PIK3C2G: variants seen among roughly 807,000 people sequenced by gnomAD.
PIK3C2G encodes the protein phosphatidylinositol-4-phosphate 3-kinase catalytic subunit type 2 gamma.
Under a neutral mutation model 181.1 loss-of-function variants are expected in PIK3C2G, and 168 were observed. The observed-to-expected ratio is 0.93, with a 90% CI of 0.82 to 1.05. The LOEUF (loss-of-function observed/expected upper bound fraction) is 1.05. Among genes scored for constraint, PIK3C2G ranks in the 50% least tolerant of loss-of-function variants. PIK3C2G has a pLI of 0.00. For missense variants in PIK3C2G, 1,869 were observed against 1,732.8 expected (o/e 1.08, Z -1.40); for synonymous variants, 573 against 592.2 (o/e 0.97, Z 0.47).
At chr12:18,496,221 A>T (rs1374257899) in intron 21 of PIK3C2G, 67 bp downstream of exon 21, 2 of 950,860 alleles carry the variant, frequency 2.1e-6, no homozygotes, top group East Asian at 5.5e-5. Flanking sequence ...TACTCACAAA[A>T]AGAAATTGTT....
At chr12:18,243,792 T>C (rs1186154161), upstream of PIK3C2G, among the ~76,000 whole-genome samples, 2 of 151,946 alleles carry the variant, frequency 1.3e-5, no homozygotes, top group Non-Finnish European at 2.9e-5. Context: ...TCACACTGGA[T>C]TTGCTACTTT....
intron 18 of PIK3C2G, among the ~76,000 whole-genome samples, chr12:18,455,242 C>T (rs149027912): frequency 6.6e-6 from 1 of 152,098 alleles, no homozygotes; most frequent in Non-Finnish European, 1.5e-5. Flanking sequence ...GTCCAGCCTA[C>T]ACTTAGGCAA....
chr12:18,588,901 C>A (rs1195322174), intron 29 of PIK3C2G, among the ~76,000 whole-genome samples: 2 of 152,082 alleles, frequency 1.3e-5, no homozygotes, highest in African/African-American at 4.8e-5. Flanking sequence ...CCATGAAATG[C>A]TATGCGGTCA....
chr12:18,669,955 A>T, the PIK3C2G span, among the ~76,000 whole-genome samples: 1 of 152,094 alleles, frequency 6.6e-6, no homozygotes, highest in Non-Finnish European at 1.5e-5. Flanking sequence ...GGTGTGAGCC[A>T]CCGCGCCCGG....
intron 3 of PIK3C2G, among the ~76,000 whole-genome samples, chr12:18,287,664 T>C (rs1949506830): frequency 6.6e-6 from 1 of 150,984 alleles, no homozygotes; most frequent in Non-Finnish European, 1.5e-5. Flanking sequence ...GAGACCAGCC[T>C]GGCCAAAGTG....
intron 5 of PIK3C2G, among the ~76,000 whole-genome samples, chr12:18,311,675 A>C (rs1364355620): frequency 6.6e-6 from 1 of 152,078 alleles, no homozygotes; most frequent in African/African-American, 2.4e-5. Context: ...ATATACTAAA[A>C]ATATTCACTC....
chr12:18,500,382 C>T (rs935225822), intron 22 of PIK3C2G, among the ~76,000 whole-genome samples: 12 of 152,192 alleles, frequency 7.9e-5, no homozygotes, highest in African/African-American at 1.9e-4. Flanking sequence ...TGCCTTCCCG[C>T]GGGGCAAGGC....
At chr12:18,706,741 A>C in the PIK3C2G span, among the ~76,000 whole-genome samples, 1 of 152,318 alleles carries the variant, frequency 6.6e-6, no homozygotes, top group Non-Finnish European at 1.5e-5. Context: ...TTTTCACAGC[A>C]CTCAGAACAG....
At chr12:18,516,016 A>G (rs1170791096) in intron 24 of PIK3C2G, among the ~76,000 whole-genome samples, 1 of 152,076 alleles carries the variant, frequency 6.6e-6, no homozygotes, top group African/African-American at 2.4e-5. Flanking sequence ...CATCATAATT[A>G]TAGTATTACG....
chr12:18,601,111 A>G (rs894770155), intron 30 of PIK3C2G, among the ~76,000 whole-genome samples: 3 of 151,970 alleles, frequency 2.0e-5, no homozygotes, highest in Admixed American at 6.6e-5. Context: ...AATATAATTC[A>G]CCATGACAGA....
intron 15 of PIK3C2G, among the ~76,000 whole-genome samples, chr12:18,395,196 T>C (rs1943804542): frequency 6.7e-6 from 1 of 149,808 alleles, no homozygotes; most frequent in Non-Finnish European, 1.5e-5. Flanking sequence ...TATAGAGAAA[T>C]TGCTGAAAAA....
Position 18,640,519 on chromosome 12 carries a change from G to A in PIK3C2G, c.4273G>A (p.Val1425Ile), listed in dbSNP as rs1949791908. ...SEVRRRKTKS[V>I]PKCTDPTYNE... ...AGTTCGTAGGAGGAAAACAAAATCTGTTCCAAAATGTACGGACCCCACTTA... is the reference window on the plus strand; with the variant it reads ...AGTTCGTAGGAGGAAAACAAAATCTATTCCAAAATGTACGGACCCCACTTA... The change falls in exon 32 of 33, where the codon GTT (valine) becomes ATT (isoleucine). Residue 1425 changes from valine (V) to isoleucine (I), a missense_variant. Val to Ile is a conservative substitution (Grantham distance 29). Coordinates refer to ENST00000538779, the MANE Select transcript of PIK3C2G (RefSeq NM_001288772.2). 1.9e-6 allele frequency: 3 copies of A among 1,603,370 alleles called. No homozygotes were observed. The highest frequency in any genetic ancestry group is 2.6e-6 in the Non-Finnish European group (3 of 1,173,868).
At position 18,633,847 on chromosome 12, in the gene PIK3C2G, C is replaced by T. The variant is rs932715150; in HGVS notation, c.4183-6582C>T. Among the ~76,000 whole-genome samples the T allele has an allele frequency of 9.9e-5, 15 of 152,066 alleles. No homozygotes were observed. The East Asian group carries it at 2.1e-3, about 22-fold the overall frequency. On this transcript the variant is annotated intron_variant, in intron 31 of 32. Transcript: ENST00000538779. The stretch of plus-strand genomic sequence containing the variant: ...AACGTTCCTCTCTGTTTTTATGATT[C>T]GGTTTAGAGGAACTAAGATCTCTAG...
intron 13 of PIK3C2G, among the ~76,000 whole-genome samples, chr12:18,376,302 G>A (rs1228513215): frequency 3.3e-5 from 5 of 152,198 alleles, no homozygotes; most frequent in Non-Finnish European, 5.9e-5. Context: ...TTATTTTGGA[G>A]CATTAAGATT....
intron 11 of PIK3C2G, among the ~76,000 whole-genome samples, chr12:18,349,764 T>A (rs1323685084): frequency 6.6e-6 from 1 of 152,190 alleles, no homozygotes; most frequent in Admixed American, 6.5e-5. Flanking sequence ...AATAGCATAT[T>A]GTTAGTTCTC....
intron 30 of PIK3C2G, among the ~76,000 whole-genome samples, chr12:18,599,703 TAAAG>T (rs1947601290): frequency 2.0e-5 from 3 of 148,188 alleles, no homozygotes; most frequent in Admixed American, 2.0e-4. Context: ...AAAATAAAAA[TAAAG>T]AAAACACACC....
At chr12:18,693,388 C>T in the PIK3C2G span, 1 of 1,604,564 alleles carries the variant, frequency 6.2e-7, no homozygotes, top group Non-Finnish European at 8.5e-7. Flanking sequence ...GTGGAGCTTC[C>T]TCTCACCCAT....
intron 18 of PIK3C2G, among the ~76,000 whole-genome samples, chr12:18,438,600 G>C (rs1307212202): frequency 6.6e-6 from 1 of 151,778 alleles, no homozygotes; most frequent in Non-Finnish European, 1.5e-5. Flanking sequence ...AGAGATGCTA[G>C]GTATACAGAG....
At chr12:18,706,272 A>G in the PIK3C2G span, among the ~76,000 whole-genome samples, 3 of 152,024 alleles carry the variant, frequency 2.0e-5, no homozygotes, top group Admixed American at 1.3e-4. Flanking sequence ...AGACAGAGCT[A>G]TCTATACTGC....
Sources: gnomAD v4.1 joint callset for allele counts (sites outside exome capture counted in the v4.1 genomes callset) on GRCh38, gnomAD v4.1.1 for gene constraint, MANE v1.5 for transcripts, NCBI Gene and HGNC (gene_info 2026-07-23, HGNC 2026-07-21) for gene names.